GBGT1: variants seen among roughly 807,000 people sequenced by gnomAD.
GBGT1 encodes the protein globoside alpha-1,3-N-acetylgalactosaminyltransferase 1.
A neutral mutation model predicts 20.9 loss-of-function variants in GBGT1; 18 were observed. The observed-to-expected ratio is 0.86, with a 90% CI of 0.60 to 1.28. The LOEUF is 1.28. Among genes scored for constraint, GBGT1 ranks in the 50% most tolerant of loss-of-function variants. The pLI, the probability that GBGT1 is intolerant of heterozygous loss-of-function variation, is 0.00. For missense variants in GBGT1, 432 were observed against 455.7 expected (o/e 0.95, Z 0.47); for synonymous variants, 168 against 180.8 (o/e 0.93, Z 0.57).
At chr9:133,155,860 C>A in intron 5 of GBGT1, 41 bp downstream of exon 5, 1 of 1,608,396 alleles carries the variant, frequency 6.2e-7, no homozygotes, top group Non-Finnish European at 8.5e-7. Flanking sequence ...GCTCTTTTGT[C>A]CTTTTCCCCC....
rs1265163246 is a variant in GBGT1, at chr9:133,153,065, A to C, written c.*512T>G. The C allele has an allele frequency of 1.3e-5, 2 of 152,358 alleles. No individual in the cohort carries two copies. Among genetic ancestry groups the C allele is most frequent in the Non-Finnish European group, 2.9e-5 (2 of 68,248 alleles). The allele number at this position is 152,358 out of a possible 1,614,324, so 9.4% of individuals were successfully genotyped here. A position where few individuals can be genotyped will look rare whatever the true frequency, so the allele number is the denominator to read the frequency against. On this transcript the variant is annotated 3_prime_UTR_variant, in exon 7 of 7. Transcript: ENST00000372040. ...GGTGCAGGAAACCGAGGGAGCCTAG[A>C]CCTGTTCCATTTCAAAGGCTCACTC... is the stretch of plus-strand genomic sequence containing the variant.
Position 133,163,883 on chromosome 9 carries a change from G to A in GBGT1, c.-250C>T, listed in dbSNP as rs917516187. The A allele has an allele frequency of 6.6e-6, 1 of 152,578 alleles. No individual in the cohort carries two copies. The highest frequency in any genetic ancestry group is 2.4e-5 in the African/African-American group (1 of 41,486). The allele number at this position is 152,578 out of a possible 1,614,324, so 9.5% of individuals were successfully genotyped here. A position where few individuals can be genotyped will look rare whatever the true frequency, so the allele number is the denominator to read the frequency against. Reference sequence around the variant, plus strand: ...CGCAGGTGGAGCCTGGAGCAGGGCAGGCAGCGGGGCCGCGGGCCAGACAGA... The same window carrying A: ...CGCAGGTGGAGCCTGGAGCAGGGCAAGCAGCGGGGCCGCGGGCCAGACAGA... On this transcript the variant is annotated 5_prime_UTR_variant, in exon 1 of 7. Coordinates refer to ENST00000372040, the MANE Select transcript of GBGT1 (RefSeq NM_021996.6).
Position 133,154,943 on chromosome 9 carries a change from T to G in GBGT1, c.359+235A>C. 1 of 477,954 alleles carries G rather than the reference T, an allele frequency of 2.1e-6. No individual in the cohort carries two copies. 29.6% of individuals were successfully genotyped at this position (477,954 alleles called of 1,614,324 possible). On this transcript the variant is annotated intron_variant, in intron 6 of 6. Coordinates refer to ENST00000372040, the MANE Select transcript of GBGT1 (RefSeq NM_021996.6). The surrounding 1 kb of genome is among the most constrained non-coding windows in gnomAD (Gnocchi z 4.2). ...GGGGCCTCCTGACAAAGGCTCCTGC[T>G]GTCCCCTCACCTGGACTCTGCATCC...
chr9:133,160,203 C>T (rs780392402), intron 3 of GBGT1: 6 of 319,248 alleles, frequency 1.9e-5, no homozygotes, highest in African/African-American at 6.7e-5. Flanking sequence ...TGCTTGAACC[C>T]GGGAGGTGGA....
Position 133,154,279 on chromosome 9 carries a change from G to A in GBGT1, c.360-18C>T. On this transcript the variant is annotated intron_variant, in intron 6 of 6. Coordinates refer to ENST00000372040, the MANE Select transcript of GBGT1 (RefSeq NM_021996.6). This position sits in a 1 kb window ranked among gnomAD's most constrained non-coding sequence, Gnocchi z 4.2. Reference sequence around the variant, plus strand: ...GAGTGTACCTAGTGATGATCACCCGGTCACCCACTGCTACACCAGCAGCCT... The same window carrying A: ...GAGTGTACCTAGTGATGATCACCCGATCACCCACTGCTACACCAGCAGCCT... The A allele has an allele frequency of 2.1e-6, 3 of 1,460,692 alleles. No homozygotes were observed. 90.5% of individuals were successfully genotyped at this position (1,460,692 alleles called of 1,614,324 possible).
Position 133,161,549 on chromosome 9 carries a change from G to A in GBGT1, c.72-17C>T, listed in dbSNP as rs35718173. 6.0e-3 allele frequency: 9,348 copies of A among 1,569,256 alleles called. 68 individuals carry two copies. The highest frequency in any genetic ancestry group is 0.047 in the African/African-American group (3,395 of 72,788). On this transcript the variant is annotated splice_polypyrimidine_tract_variant and intron_variant, in intron 2 of 6. Coordinates refer to ENST00000372040, the MANE Select transcript of GBGT1 (RefSeq NM_021996.6). The stretch of plus-strand genomic sequence containing the variant: ...AGATACACCCTGTGAATAAAAAAAA[G>A]AAAAAAAATCTGTTGATCCACTCTG...
intron 3 of GBGT1, chr9:133,160,929 G>T: frequency 3.7e-6 from 1 of 271,130 alleles, no homozygotes; most frequent in Non-Finnish European, 6.9e-6. Context: ...ACAATCTCTT[G>T]AACTGGGGAG....
In GBGT1 at chr9:133,154,065, T is replaced by C. The variant is rs1832795348; in HGVS notation, c.556A>G (p.Thr186Ala). ...CTCTTAGCAATGTGCTGGCTGATGGTCTCCATCCGGCGCATGGATGTCTCC... is the reference window on the plus strand; with the variant it reads ...CTCTTAGCAATGTGCTGGCTGATGGCCTCCATCCGGCGCATGGATGTCTCC... The part of the protein sequence containing the change: ...WEETSMRRME[T>A]ISQHIAKRAH... The change falls in exon 7 of 7, where the codon ACC (threonine) becomes GCC (alanine). Residue 186 changes from threonine to alanine, a missense_variant. Transcript: ENST00000372040. The surrounding 1 kb of genome is among the most constrained non-coding windows in gnomAD (Gnocchi z 4.2). 2.5e-6 allele frequency: 4 copies of C among 1,613,192 alleles called. No individual in the cohort carries two copies. Among genetic ancestry groups the C allele is most frequent in the South Asian group, 2.2e-5 (2 of 91,074 alleles).
chr9:133,153,655 G>C lies in GBGT1; in HGVS notation c.966C>G (p.Asp322Glu), dbSNP rs773511987. The C allele has an allele frequency of 1.2e-6, 2 of 1,610,168 alleles. No individual in the cohort carries two copies. Among genetic ancestry groups the C allele is most frequent in the Non-Finnish European group, 1.7e-6 (2 of 1,177,936 alleles). The change falls in exon 7 of 7, where the codon GAC becomes GAG. Residue 322 changes from aspartate (D) to glutamate (E), a missense_variant. Asp to Glu is a conservative substitution (Grantham distance 45, BLOSUM62 2). Coordinates refer to ENST00000372040, the MANE Select transcript of GBGT1 (RefSeq NM_021996.6). ...KVLSPEYLWD[D>E]RKPQPPSLKL... ...TCAGGCTGGGTGGCTGGGGCTTCCT[G>C]TCGTCCCAGAGGTACTCGGGGGACA...
rs1832767524 is a variant in GBGT1 at position 133,153,472 on chromosome 9, C to T, written c.*105G>A. 6 of 794,928 alleles carry T rather than the reference C, an allele frequency of 7.5e-6. No homozygotes were observed. The highest frequency in any genetic ancestry group is 1.2e-5 in the Non-Finnish European group (6 of 499,674). 49.2% of individuals were successfully genotyped at this position (794,928 alleles called of 1,614,324 possible). A position where few individuals can be genotyped will look rare whatever the true frequency, so the allele number is the denominator to read the frequency against. The stretch of plus-strand genomic sequence containing the variant: ...TCCACGTCCCTTTTCCGGTTGAATT[C>T]GCCTGACTGACAGGGAGGCGGGACA... On this transcript the variant is annotated 3_prime_UTR_variant, in exon 7 of 7. Transcript: ENST00000372040.
chr9:133,157,069 A>G (rs934495155), intron 3 of GBGT1, among the ~76,000 whole-genome samples: 4 of 152,152 alleles, frequency 2.6e-5, no homozygotes, highest in African/African-American at 7.2e-5. Context: ...AAAGCGCTTG[A>G]GCCCAGTAGT....
chr9:133,155,023 A>G (rs769110828), intron 6 of GBGT1, 155 bp downstream of exon 6: 23 of 639,618 alleles, frequency 3.6e-5, no homozygotes, highest in Non-Finnish European at 6.1e-5. Flanking sequence ...CCACTATCAC[A>G]CCCTACACTG....
intron 3 of GBGT1, among the ~76,000 whole-genome samples, chr9:133,159,499 T>C (rs549918661): frequency 1.1e-4 from 17 of 152,274 alleles, no homozygotes; most frequent in African/African-American, 3.8e-4. Context: ...AAGAGTTACA[T>C]ACAAGAATAC....
At chr9:133,159,343 G>A (rs933928378) in intron 3 of GBGT1, among the ~76,000 whole-genome samples, 13 of 152,230 alleles carry the variant, frequency 8.5e-5, no homozygotes, top group Admixed American at 1.3e-4. Context: ...AAGAAAGCAT[G>A]TTTCAGGGCC....
Position 133,163,891 on chromosome 9 carries a change from G to T in GBGT1, c.-258C>A, listed in dbSNP as rs1487552150. 6.6e-6 allele frequency: 1 copy of T among 152,516 alleles called. No individual in the cohort carries two copies. The highest frequency in any genetic ancestry group is 2.4e-5 in the African/African-American group (1 of 41,468). The allele number at this position is 152,516 out of a possible 1,614,324, so 9.4% of individuals were successfully genotyped here. A position where few individuals can be genotyped will look rare whatever the true frequency, so the allele number is the denominator to read the frequency against. ...GAGCCTGGAGCAGGGCAGGCAGCGG[G>T]GCCGCGGGCCAGACAGAAAAGAGGA... On this transcript the variant is annotated 5_prime_UTR_variant, in exon 1 of 7. Transcript: ENST00000372040.
intron 3 of GBGT1, among the ~76,000 whole-genome samples, chr9:133,157,104 C>A (rs1832893411): frequency 6.6e-6 from 1 of 151,992 alleles, no homozygotes; most frequent in Non-Finnish European, 1.5e-5. Context: ...GGCAACATGG[C>A]AAGACCTCAT....
intron 3 of GBGT1, chr9:133,161,101 C>T: frequency 2.5e-6 from 1 of 397,646 alleles, no homozygotes; most frequent in South Asian, 1.4e-4. Context: ...AATTGAGCAA[C>T]AAGGTCAAGT....
At position 133,153,853 on chromosome 9, in the gene GBGT1, C is replaced by T; in HGVS notation, c.768G>A (p.Gly256=). The change falls in exon 7 of 7, where the codon GGG becomes GGA. Residue 256 remains glycine, a synonymous_variant. Transcript: ENST00000372040. ...AGACTGCCCCACCATAATAGAAGTC[C>T]CCTTCGCTGTCTGCCACAAAGGCAG... ...VSTAFVADSE[G]DFYYGGAVFG... The T allele has an allele frequency of 6.3e-7, 1 of 1,598,068 alleles. No homozygotes were observed. Among genetic ancestry groups the T allele is most frequent in the South Asian group, 1.1e-5 (1 of 89,652 alleles).
chr9:133,155,320 C>T lies in GBGT1; in HGVS notation c.225-8G>A. 1 of 1,613,784 alleles carries T rather than the reference C, an allele frequency of 6.2e-7. No individual in the cohort carries two copies. Among genetic ancestry groups the T allele is most frequent in the Non-Finnish European group, 8.5e-7 (1 of 1,179,938 alleles). On this transcript the variant is annotated splice_region_variant and splice_polypyrimidine_tract_variant and intron_variant, in intron 5 of 6. Coordinates refer to ENST00000372040, the MANE Select transcript of GBGT1 (RefSeq NM_021996.6). ...GTCAGCAGCTGTGTGGGCCTGGCAG[C>T]AGGGGGGCCGTGGGCACTGAGACCC...
Sources: allele counts gnomAD v4.1 joint callset (sites outside exome capture counted in the v4.1 genomes callset), GRCh38; gene constraint gnomAD v4.1.1; non-coding constraint Gnocchi (gnomAD v3.1); transcripts MANE v1.5; gene names NCBI Gene and HGNC (gene_info 2026-07-23, HGNC 2026-07-21).